CNTN5: variants seen among roughly 807,000 people sequenced by gnomAD.
CNTN5 encodes the protein contactin 5.
In CNTN5, 77 loss-of-function variants were observed where a neutral mutation model predicts 129.1. The ratio of observed to expected loss-of-function variants is 0.60; its 90% confidence interval spans 0.50 to 0.72. CNTN5 has a LOEUF of 0.72. CNTN5 is among the 30% of genes least tolerant of loss of function. The pLI, the probability that CNTN5 is intolerant of heterozygous loss-of-function variation, is 0.00. For missense variants in CNTN5, 1,478 were observed against 1,328.8 expected (o/e 1.11, Z -1.75); for synonymous variants, 509 against 465.6 (o/e 1.09, Z -1.20).
At chr11:99,888,940 G>C (rs551259177) in intron 6 of CNTN5, among the ~76,000 whole-genome samples, 1 of 151,956 alleles carries the variant, frequency 6.6e-6, no homozygotes, top group East Asian at 1.9e-4. Context: ...GTTGTCAAGA[G>C]GAAGAATTCG....
chr11:99,259,665 T>C (rs370702075), intron 1 of CNTN5, among the ~76,000 whole-genome samples: 1 of 151,808 alleles, frequency 6.6e-6, no homozygotes, highest in South Asian at 2.1e-4. Context: ...GGAATGTGTG[T>C]GTGTGTTAGT....
At chr11:100,044,477 G>A (rs1412826303) in intron 9 of CNTN5, among the ~76,000 whole-genome samples, 3 of 145,018 alleles carry the variant, frequency 2.1e-5, no homozygotes, top group Non-Finnish European at 4.5e-5. Flanking sequence ...CCTTTTCTCT[G>A]CAACTTTGCT....
chr11:99,435,197 C>A (rs1450023034), intron 2 of CNTN5, among the ~76,000 whole-genome samples: 1 of 152,088 alleles, frequency 6.6e-6, no homozygotes, highest in Non-Finnish European at 1.5e-5. Flanking sequence ...GGCAATTTGA[C>A]AATTCTCCTG....
At chr11:99,146,928 C>T (rs1859812809) in intron 1 of CNTN5, among the ~76,000 whole-genome samples, 1 of 151,962 alleles carries the variant, frequency 6.6e-6, no homozygotes, top group Non-Finnish European at 1.5e-5. Flanking sequence ...CACCATGTTT[C>T]CCATGCTGGT....
At chr11:99,226,705 C>T (rs185831533) in intron 1 of CNTN5, among the ~76,000 whole-genome samples, 1 of 152,212 alleles carries the variant, frequency 6.6e-6, no homozygotes, top group Admixed American at 6.5e-5. Flanking sequence ...TAATAAGTTC[C>T]TAATAGGCAA....
intron 21 of CNTN5, chr11:100,309,066 A>G: frequency 1.0e-6 from 1 of 985,126 alleles, no homozygotes; most frequent in South Asian, 4.7e-5. Context: ...GTGAACATGA[A>G]TATTTTATGA....
rs536542184 is a variant in CNTN5 at position 99,465,416 on chromosome 11, T to C, written c.-70-90729T>C. 3.2e-4 allele frequency among the ~76,000 whole-genome samples: 49 copies of C among 152,260 alleles called. No individual in the cohort carries two copies. The South Asian group carries it at 3.5e-3, about 11-fold the overall frequency. On this transcript the variant is annotated intron_variant, in intron 2 of 24. Coordinates refer to ENST00000524871, the MANE Select transcript of CNTN5 (RefSeq NM_014361.4). ...TAGCCCTTGCACTTTCTATGCATTA[T>C]ACATATATTTAATGTTTACATATTA...
chr11:99,507,287 G>A (rs1256693386), intron 2 of CNTN5, among the ~76,000 whole-genome samples: 1 of 145,458 alleles, frequency 6.9e-6, no homozygotes, highest in African/African-American at 2.5e-5. Context: ...TGAGGCAGGA[G>A]AATCGCTTGA....
chr11:99,945,489 C>CGTGTGTGTGTGT (rs3990615), intron 7 of CNTN5, among the ~76,000 whole-genome samples: 2,820 of 148,992 alleles, frequency 0.019, 41 homozygotes, highest in Non-Finnish European at 0.03. Context: ...AACCTCTGTG[C>CGTGTGTGTGTGT]GTGTGTGTGT....
intron 13 of CNTN5, among the ~76,000 whole-genome samples, chr11:100,165,941 T>C (rs1303462209): frequency 5.9e-5 from 9 of 151,778 alleles, no homozygotes; most frequent in Admixed American, 5.3e-4. Flanking sequence ...TTTTAAGCCA[T>C]ATTTATCTAA....
intron 1 of CNTN5, among the ~76,000 whole-genome samples, chr11:99,215,794 T>C (rs1197066990): frequency 6.6e-6 from 1 of 152,180 alleles, no homozygotes; most frequent in Non-Finnish European, 1.5e-5. Context: ...GTAATGTGAA[T>C]GGAAATCACT....
intron 9 of CNTN5, among the ~76,000 whole-genome samples, chr11:100,057,684 G>A (rs1169290280): frequency 9.7e-6 from 1 of 102,850 alleles, no homozygotes; most frequent in Non-Finnish European, 1.9e-5. Context: ...CAAATTTCCC[G>A]AGGTCACCAT....
intron 9 of CNTN5, among the ~76,000 whole-genome samples, chr11:100,043,361 C>T (rs1294554422): frequency 1.3e-5 from 2 of 152,076 alleles, no homozygotes; most frequent in Non-Finnish European, 2.9e-5. Context: ...TCTTTCCAAA[C>T]AAGTTTATAG....
chr11:99,546,497 C>T (rs1948296778), intron 2 of CNTN5, among the ~76,000 whole-genome samples: 1 of 152,262 alleles, frequency 6.6e-6, no homozygotes, highest in Non-Finnish European at 1.5e-5. Context: ...TAAAGAGTTA[C>T]AGCCTGTCAA....
intron 13 of CNTN5, among the ~76,000 whole-genome samples, chr11:100,161,192 C>A (rs1323439593): frequency 1.3e-5 from 2 of 151,726 alleles, no homozygotes; most frequent in African/African-American, 4.8e-5. Flanking sequence ...TGAAGTTTTT[C>A]ATGATTGGGC....
At chr11:100,000,915 T>G (rs1309927772) in intron 8 of CNTN5, among the ~76,000 whole-genome samples, 2 of 151,960 alleles carry the variant, frequency 1.3e-5, no homozygotes, top group Non-Finnish European at 2.9e-5. Flanking sequence ...ATGGCTGGAG[T>G]TGGAGCAGCT....
intron 1 of CNTN5, among the ~76,000 whole-genome samples, chr11:99,323,130 A>G (rs190118177): frequency 6.6e-6 from 1 of 152,170 alleles, no homozygotes; most frequent in Non-Finnish European, 1.5e-5. Context: ...CAGTTTAGGA[A>G]TAATTTTCTC....
At position 100,356,813 on chromosome 11, in the gene CNTN5, A is replaced by G. The variant is rs1952534700; in HGVS notation, c.*593A>G. On this transcript the variant is annotated 3_prime_UTR_variant, in exon 25 of 25. Transcript: ENST00000524871. ...AAATAGCAAGATTTGTCAATATGCT[A>G]TTCTATATGCACCCCTAGAGCAAGT... 1.3e-5 allele frequency: 2 copies of G among 154,220 alleles called. No individual in the cohort carries two copies. Among genetic ancestry groups the G allele is most frequent in the African/African-American group, 2.4e-5 (1 of 41,424 alleles). The allele number at this position is 154,220 out of a possible 1,614,324, so 9.6% of individuals were successfully genotyped here.
intron 3 of CNTN5, among the ~76,000 whole-genome samples, chr11:99,720,511 A>T (rs926999007): frequency 1.3e-5 from 2 of 152,094 alleles, no homozygotes; most frequent in African/African-American, 4.8e-5. Flanking sequence ...AACGTAACTC[A>T]AAAAGCCTTC....
Sources: gnomAD v4.1 joint callset for allele counts (sites outside exome capture counted in the v4.1 genomes callset) on GRCh38, gnomAD v4.1.1 for gene constraint, MANE v1.5 for transcripts, NCBI Gene and HGNC (gene_info 2026-07-23, HGNC 2026-07-21) for gene names.